Variants in RBFOX1 observed in about 807,000 individuals in gnomAD.
The protein encoded by RBFOX1 is RNA binding protein fox-1 homolog 1.
Under a neutral mutation model 57.7 loss-of-function variants are expected in RBFOX1, and 8 were observed. The observed-to-expected ratio is 0.14, with a 90% CI of 0.08 to 0.25. The LOEUF is 0.25. Ranked by LOEUF, RBFOX1 falls within the 10% of genes least tolerant of loss-of-function variation. The probability of loss-of-function intolerance (pLI) is 1.00; values close to 1 mark genes in which losing one functional copy is unlikely to be tolerated. For missense variants in RBFOX1, 611 were observed against 548.5 expected (o/e 1.11, Z -1.14); for synonymous variants, 326 against 222.4 (o/e 1.47, Z -4.15).
chr16:5,951,726 A>G (rs541849486), intron 4 of RBFOX1, among the ~76,000 whole-genome samples: 2 of 151,948 alleles, frequency 1.3e-5, no homozygotes, highest in Non-Finnish European at 2.9e-5. Context: ...TTGTATTTCC[A>G]TCCTTCTCCC....
intron 4 of RBFOX1, among the ~76,000 whole-genome samples, chr16:7,287,382 G>A (rs1423734290): frequency 6.6e-6 from 1 of 152,166 alleles, no homozygotes; most frequent in Non-Finnish European, 1.5e-5. Flanking sequence ...GCAGCAGTGT[G>A]CAGGAACTAT....
intron 2 of RBFOX1, among the ~76,000 whole-genome samples, chr16:5,580,679 A>C (rs566931045): frequency 1.6e-4 from 25 of 152,234 alleles, no homozygotes; most frequent in Middle Eastern, 6.8e-3. Context: ...TGCAAACGTT[A>C]CCTTTCACGG....
At chr16:7,303,744 CTT>C (rs1343764205) in intron 4 of RBFOX1, among the ~76,000 whole-genome samples, 1 of 151,284 alleles carries the variant, frequency 6.6e-6, no homozygotes, top group African/African-American at 2.4e-5. Flanking sequence ...CTCTCTCTCT[CTT>C]TACCCTCCCT....
At position 6,109,497 on chromosome 16, in the gene RBFOX1, G is replaced by A. The variant is rs79160059; in HGVS notation, c.-127+89505G>A. Among the ~76,000 whole-genome samples the A allele has an allele frequency of 9.0e-3, 1,367 of 152,192 alleles. 11 individuals carry two copies. Among genetic ancestry groups the A allele is most frequent in the Non-Finnish European group, 0.015 (1,023 of 68,012 alleles). On this transcript the variant is annotated intron_variant, in intron 1 of 15. Transcript: ENST00000550418. ...CTCATGAGGCATAATATAGTTAGTC[G>A]ATGATATATTTGTTGTAAAAAACTC...
chr16:5,295,940 C>T (rs1041930741), intron 1 of RBFOX1, among the ~76,000 whole-genome samples: 2 of 152,184 alleles, frequency 1.3e-5, no homozygotes, highest in Admixed American at 1.3e-4. Context: ...TGCATGAATG[C>T]CCCTTATCAG....
intron 2 of RBFOX1, among the ~76,000 whole-genome samples, chr16:6,422,267 G>T (rs977269093): frequency 6.6e-6 from 1 of 151,080 alleles, no homozygotes; most frequent in Non-Finnish European, 1.5e-5. Context: ...TTAGATTCAG[G>T]GGTACATGTA....
chr16:5,679,518 G>A (rs766541516), intron 3 of RBFOX1, among the ~76,000 whole-genome samples: 11 of 151,796 alleles, frequency 7.2e-5, no homozygotes, highest in Admixed American at 2.0e-4. Context: ...CCCACCCCCC[G>A]ACAGGTCCCG....
intron 2 of RBFOX1, among the ~76,000 whole-genome samples, chr16:6,643,768 A>C (rs748862878): frequency 6.6e-6 from 1 of 152,154 alleles, no homozygotes; most frequent in African/African-American, 2.4e-5. Flanking sequence ...AAATGGAAAC[A>C]CTGGGCAAAA....
chr16:6,491,544 T>G (rs1335654295), intron 2 of RBFOX1, among the ~76,000 whole-genome samples: 1 of 152,238 alleles, frequency 6.6e-6, no homozygotes, highest in African/African-American at 2.4e-5. Flanking sequence ...ATGTACTAGC[T>G]AATTGTTCAG....
intron 2 of RBFOX1, among the ~76,000 whole-genome samples, chr16:5,552,006 G>C (rs1422233343): frequency 6.6e-6 from 1 of 152,110 alleles, no homozygotes; most frequent in Non-Finnish European, 1.5e-5. Context: ...TTTATTATTA[G>C]CTGTGGATGA....
intron 1 of RBFOX1, among the ~76,000 whole-genome samples, chr16:5,313,491 C>G (rs961281571): frequency 4.6e-5 from 7 of 152,146 alleles, no homozygotes; most frequent in African/African-American, 1.4e-4. Context: ...GGACCCATGA[C>G]TTACAAGAAG....
intron 2 of RBFOX1, among the ~76,000 whole-genome samples, chr16:5,540,766 C>T (rs4427803): frequency 6.6e-6 from 1 of 152,096 alleles, no homozygotes; most frequent in Non-Finnish European, 1.5e-5. Flanking sequence ...CTAGCAGCGT[C>T]AGAATCACCT....
chr16:6,922,656 G>A (rs531662618), intron 3 of RBFOX1, among the ~76,000 whole-genome samples: 6 of 152,166 alleles, frequency 3.9e-5, no homozygotes, highest in Admixed American at 2.6e-4. Context: ...TGTAAGCCAG[G>A]TGAGGGTGGA....
At chr16:7,267,342 C>T (rs955677895) in intron 4 of RBFOX1, among the ~76,000 whole-genome samples, 2 of 152,052 alleles carry the variant, frequency 1.3e-5, no homozygotes, top group Admixed American at 6.6e-5. Flanking sequence ...GGAGACCAGC[C>T]TGGGCAACAT....
At chr16:7,709,871 T>C (rs2083670574) in intron 15 of RBFOX1, 1 of 1,135,572 alleles carries the variant, frequency 8.8e-7, no homozygotes, top group Non-Finnish European at 1.1e-6. Flanking sequence ...CGTGAGAGCA[T>C]ATGCAATCAT....
intron 4 of RBFOX1, among the ~76,000 whole-genome samples, chr16:7,148,268 C>A (rs2075421053): frequency 6.6e-6 from 1 of 152,170 alleles, no homozygotes; most frequent in Non-Finnish European, 1.5e-5. Flanking sequence ...CACACTCTGG[C>A]ATGCTCTTGG....
chr16:7,331,939 T>C (rs1305109152), intron 4 of RBFOX1, among the ~76,000 whole-genome samples: 6 of 152,336 alleles, frequency 3.9e-5, no homozygotes, highest in African/African-American at 2.4e-5. Flanking sequence ...TGCTTGAATG[T>C]ATTTTTTATC....
chr16:6,223,943 G>C (rs995014133), intron 1 of RBFOX1, among the ~76,000 whole-genome samples: 6 of 152,124 alleles, frequency 3.9e-5, no homozygotes, highest in Admixed American at 1.3e-4. Flanking sequence ...TCCCAGCACT[G>C]TTTATTAAAT....
intron 4 of RBFOX1, among the ~76,000 whole-genome samples, chr16:7,201,128 A>C (rs150797226): frequency 6.6e-6 from 1 of 152,316 alleles, no homozygotes; most frequent in African/African-American, 2.4e-5. Flanking sequence ...CAAAGCTGGA[A>C]GATATGAGAG....
Sources: allele counts gnomAD v4.1 joint callset (sites outside exome capture counted in the v4.1 genomes callset), GRCh38; gene constraint gnomAD v4.1.1; transcripts MANE v1.5; gene names NCBI Gene and HGNC (gene_info 2026-07-23, HGNC 2026-07-21).